The following RIN2 variants were observed in gnomAD, a reference collection of about 807,000 sequenced individuals.
The protein encoded by RIN2 is Ras and Rab interactor 2.
Under a neutral mutation model 78.0 loss-of-function variants are expected in RIN2, and 36 were observed. The ratio of observed to expected loss-of-function variants is 0.46; its 90% CI spans 0.35 to 0.61. The LOEUF is 0.61. Ranked by LOEUF, RIN2 falls within the 20% of genes least tolerant of loss-of-function variation. RIN2 has a pLI of 0.00. For synonymous variants in RIN2, 466 were observed against 466.8 expected, an observed-to-expected ratio of 1.00 and a Z score of 0.02; for missense variants, 1,087 against 1,159.7, an observed-to-expected ratio of 0.94 and a Z score of 0.91.
chr20:19,953,587 C>A (rs572546891), intron 4 of RIN2, among the ~76,000 whole-genome samples: 212 of 152,192 alleles, frequency 1.4e-3, no homozygotes, highest in Non-Finnish European at 2.2e-3. Flanking sequence ...ACTACAGGCA[C>A]CCACCACCAC....
intron 4 of RIN2, among the ~76,000 whole-genome samples, chr20:19,953,365 C>G (rs1443688403): frequency 6.6e-6 from 1 of 152,112 alleles, no homozygotes; most frequent in Non-Finnish European, 1.5e-5. Context: ...CTCCTGACTT[C>G]CAGTGATCCA....
chr20:19,952,892 T>C (rs1215294151), intron 4 of RIN2, among the ~76,000 whole-genome samples: 1 of 152,194 alleles, frequency 6.6e-6, no homozygotes, highest in East Asian at 1.9e-4. Context: ...TGAGTTAATA[T>C]GCATGTTTTA....
chr20:19,900,704 A>C (rs1446744001), intron 3 of RIN2, among the ~76,000 whole-genome samples: 1 of 151,802 alleles, frequency 6.6e-6, no homozygotes, highest in East Asian at 1.9e-4. Flanking sequence ...TAATCCCAGC[A>C]CTTTGGGAGT....
intron 2 of RIN2, among the ~76,000 whole-genome samples, chr20:19,860,879 G>A (rs1461979376): frequency 1.3e-5 from 2 of 152,096 alleles, no homozygotes; most frequent in East Asian, 1.9e-4. Context: ...CTAAGTGAAC[G>A]AAGAAAAAAG....
chr20:19,813,854 T>A (rs2035679271), intron 2 of RIN2, among the ~76,000 whole-genome samples: 1 of 152,158 alleles, frequency 6.6e-6, no homozygotes. Context: ...TGGAAAATAA[T>A]ACATAGTCTT....
chr20:19,880,224 C>T (rs1026917814), intron 2 of RIN2, among the ~76,000 whole-genome samples: 5 of 148,364 alleles, frequency 3.4e-5, no homozygotes, highest in African/African-American at 1.3e-4. Context: ...GTACTCCATC[C>T]TGGGCAACAG....
chr20:19,802,225 C>A (rs1204194502), intron 2 of RIN2, among the ~76,000 whole-genome samples: 1 of 152,072 alleles, frequency 6.6e-6, no homozygotes. Flanking sequence ...CCTACATCAC[C>A]CAGTTAGGCA....
intron 2 of RIN2, among the ~76,000 whole-genome samples, chr20:19,821,158 T>C (rs545579844): frequency 6.6e-6 from 1 of 152,300 alleles, no homozygotes; most frequent in African/African-American, 2.4e-5. Context: ...CTCAGCTCCA[T>C]ACTCATCTAT....
In RIN2 at chr20:19,974,826, G is replaced by A. The variant is rs754436901; in HGVS notation, c.801G>A (p.Gly267=). Reference sequence around the variant, plus strand: ...AGCTGGAGTGCAGCCAGACCAACGGGGCCCTGTGCTTTATTAATCCCCTTT... The same window carrying A: ...AGCTGGAGTGCAGCCAGACCAACGGAGCCCTGTGCTTTATTAATCCCCTTT... ...PSELECSQTN[G]ALCFINPLFL... is the part of the protein sequence containing the mutation. The change falls in exon 9 of 13, where the codon GGG becomes GGA. Residue 267 remains glycine (G), a synonymous_variant. Coordinates refer to ENST00000255006, the MANE Select transcript of RIN2 (RefSeq NM_018993.4). The A allele has an allele frequency of 7.4e-6, 12 of 1,613,832 alleles. No individual in the cohort carries two copies. Among genetic ancestry groups the A allele is most frequent in the Middle Eastern group, 1.6e-4 (1 of 6,084 alleles).
intron 2 of RIN2, among the ~76,000 whole-genome samples, chr20:19,803,555 C>T (rs991391746): frequency 5.9e-5 from 9 of 152,168 alleles, no homozygotes; most frequent in Admixed American, 2.0e-4. Context: ...AAAATTGAAA[C>T]TGGACCCCTT....
At chr20:19,990,663 G>A (rs145472203) in intron 10 of RIN2, among the ~76,000 whole-genome samples, 69 of 152,010 alleles carry the variant, frequency 4.5e-4, no homozygotes, top group African/African-American at 1.1e-3. Flanking sequence ...AACCTTGCAC[G>A]CTGTAGTTTT....
chr20:19,834,137 C>T (rs1421462667), intron 2 of RIN2, among the ~76,000 whole-genome samples: 2 of 152,144 alleles, frequency 1.3e-5, no homozygotes, highest in Non-Finnish European at 2.9e-5. Flanking sequence ...TGCTAATCTC[C>T]TTAGTACAGA....
rs545323465 is a variant in RIN2, at chr20:19,912,475, CTTTTTTTTTTTTT to C, written c.58-22616_58-22604del. ...TCATTTCTTTTTTCTTTTTCTTTTTCTTTTTTTTTTTTTTTTTTTTGAGATGAAGTCTCACTCC... is the reference window on the plus strand; with the variant it reads ...TCATTTCTTTTTTCTTTTTCTTTTTCTTTTTTTGAGATGAAGTCTCACTCC... On this transcript the variant is annotated intron_variant, in intron 3 of 12. Coordinates refer to ENST00000255006, the MANE Select transcript of RIN2 (RefSeq NM_018993.4). Among the ~76,000 whole-genome samples, 35 of 110,938 alleles carry C rather than the reference CTTTTTTTTTTTTT, an allele frequency of 3.2e-4. 1 individual carries two copies. The highest frequency in any genetic ancestry group is 5.7e-3 in the Middle Eastern group (1 of 176). 72.8% of individuals were successfully genotyped at this position (110,938 alleles called of 152,430 possible).
intron 4 of RIN2, among the ~76,000 whole-genome samples, chr20:19,946,334 T>TA (rs1172613596): frequency 1.3e-5 from 2 of 152,040 alleles, no homozygotes; most frequent in African/African-American, 4.8e-5. Context: ...GGTAGGTAGG[T>TA]AGGAGCCAGA....
chr20:19,876,899 C>T (rs971171001), intron 2 of RIN2, among the ~76,000 whole-genome samples: 1 of 59,306 alleles, frequency 1.7e-5, no homozygotes, highest in Non-Finnish European at 3.4e-5. Context: ...GAGACTCCAT[C>T]TCAAAAAAAA....
At chr20:19,842,310 C>T (rs2036603126) in intron 2 of RIN2, among the ~76,000 whole-genome samples, 1 of 151,430 alleles carries the variant, frequency 6.6e-6, no homozygotes, top group Non-Finnish European at 1.5e-5. Flanking sequence ...GCAACCTCTG[C>T]CTCCTGAGTT....
At position 19,855,731 on chromosome 20, in the gene RIN2, C is replaced by T. The variant is rs150626637; in HGVS notation, c.-36-33835C>T. Reference sequence around the variant, plus strand: ...AAATCAAGAAAACACCAACAAGAGACTGGCAAAACTGACACCGGAGGCTTG... The same window carrying T: ...AAATCAAGAAAACACCAACAAGAGATTGGCAAAACTGACACCGGAGGCTTG... On this transcript the variant is annotated intron_variant, in intron 2 of 12. Transcript: ENST00000255006. 6.5e-4 allele frequency among the ~76,000 whole-genome samples: 99 copies of T among 152,274 alleles called. No individual in the cohort carries two copies. The South Asian group carries it at 0.012, about 18-fold the overall frequency.
Position 19,974,919 on chromosome 20 carries a change from G to C in RIN2, c.894G>C (p.Ala298=). The change falls in exon 9 of 13, where the codon GCG becomes GCC. Residue 298 remains alanine (A), a synonymous_variant. Transcript: ENST00000255006. The stretch of plus-strand genomic sequence containing the variant: ...GGCCGAGCACAAGGACTCCCAACGC[G>C]AATGGCACGGAGCGGACTCGGTCCC... The part of the protein sequence containing the change: ...LKRPSTRTPN[A]NGTERTRSPP... 1 of 1,613,780 alleles carries C rather than the reference G, an allele frequency of 6.2e-7. No individual in the cohort carries two copies. The highest frequency in any genetic ancestry group is 1.1e-5 in the South Asian group (1 of 91,080).
chr20:19,790,800 T>C (rs1398311540), intron 1 of RIN2, among the ~76,000 whole-genome samples: 1 of 152,130 alleles, frequency 6.6e-6, no homozygotes, highest in Non-Finnish European at 1.5e-5. Flanking sequence ...CCCTAAATGG[T>C]CCTTCCAGCC....
Sources: gnomAD v4.1 joint callset for allele counts (sites outside exome capture counted in the v4.1 genomes callset) on GRCh38, gnomAD v4.1.1 for gene constraint, MANE v1.5 for transcripts, NCBI Gene and HGNC (gene_info 2026-07-23, HGNC 2026-07-21) for gene names.